The following PLCZ1 variants were observed in gnomAD, a reference collection of about 807,000 sequenced individuals.
PLCZ1 encodes the protein phospholipase C zeta 1.
PLCZ1 carries 64 observed loss-of-function variants against 76.8 expected under a neutral mutation model. The observed-to-expected ratio is 0.83, with a 90% confidence interval of 0.68 to 1.03. PLCZ1 has a LOEUF of 1.03. Among genes scored for constraint, PLCZ1 ranks in the 50% least tolerant of loss-of-function variants. The pLI is 0.00. For synonymous variants in PLCZ1, 248 were observed against 230.8 expected (o/e 1.07, Z -0.68); for missense variants, 751 against 713.7 (o/e 1.05, Z -0.60).
At chr12:18,711,382 T>G (rs1592198318) in intron 6 of PLCZ1, among the ~76,000 whole-genome samples, 1 of 71,554 alleles carries the variant, frequency 1.4e-5, no homozygotes, top group Admixed American at 2.2e-4. Context: ...TGGGGACTGT[T>G]GTGGGGTGGG....
chr12:18,685,588 G>T (rs1004988261), intron 13 of PLCZ1: 3 of 505,176 alleles, frequency 5.9e-6, no homozygotes, highest in Non-Finnish European at 1.2e-5. Context: ...AGCAATCTAG[G>T]GTGCAGTCTA....
the PLCZ1 span, among the ~76,000 whole-genome samples, chr12:18,676,774 T>A: frequency 1.6e-4 from 24 of 152,218 alleles, no homozygotes; most frequent in Non-Finnish European, 2.8e-4. Flanking sequence ...AGGTAATAGG[T>A]GTTAGAAAAA....
At chr12:18,724,151 A>G (rs1292377616) in intron 3 of PLCZ1, among the ~76,000 whole-genome samples, 2 of 152,148 alleles carry the variant, frequency 1.3e-5, no homozygotes, top group Non-Finnish European at 2.9e-5. Context: ...AATACCAAAA[A>G]TAGAAGATTG....
intron 6 of PLCZ1, among the ~76,000 whole-genome samples, chr12:18,707,519 C>T (rs1956752778): frequency 6.6e-6 from 1 of 152,108 alleles, no homozygotes; most frequent in Non-Finnish European, 1.5e-5. Flanking sequence ...TCTTGAAAGC[C>T]AAGCAATGTT....
intron 6 of PLCZ1, among the ~76,000 whole-genome samples, chr12:18,710,248 T>G (rs1156959736): frequency 2.7e-5 from 4 of 150,446 alleles, no homozygotes; most frequent in African/African-American, 7.4e-5. Flanking sequence ...CTTTGAATTT[T>G]AAGACTGTCA....
At chr12:18,693,907 T>G in intron 12 of PLCZ1, 2 of 1,528,346 alleles carry the variant, frequency 1.3e-6, no homozygotes, top group Non-Finnish European at 1.8e-6. Context: ...TGGCTGATGA[T>G]GTAACCCTGC....
chr12:18,696,621 T>G (rs1955084203), intron 10 of PLCZ1, among the ~76,000 whole-genome samples: 2 of 152,012 alleles, frequency 1.3e-5, no homozygotes, highest in Admixed American at 1.3e-4. Context: ...CATTCATTTT[T>G]CAAAACAAAA....
chr12:18,676,355 T>C, the PLCZ1 span, among the ~76,000 whole-genome samples: 1 of 152,044 alleles, frequency 6.6e-6, no homozygotes, highest in Non-Finnish European at 1.5e-5. Flanking sequence ...AAGAATCTAA[T>C]ATAATCCATG....
chr12:18,716,883 T>C (rs1390228533), intron 5 of PLCZ1, among the ~76,000 whole-genome samples: 1 of 152,198 alleles, frequency 6.6e-6, no homozygotes, highest in African/African-American at 2.4e-5. Context: ...ATTAAGATAT[T>C]GAATGCTTTA....
the PLCZ1 span, among the ~76,000 whole-genome samples, chr12:18,654,680 G>T: frequency 2.0e-5 from 3 of 152,146 alleles, no homozygotes; most frequent in African/African-American, 4.8e-5. Flanking sequence ...CAGACAAGAT[G>T]ATTCCAGTTG....
chr12:18,663,893 A>G, the PLCZ1 span, among the ~76,000 whole-genome samples: 1 of 152,194 alleles, frequency 6.6e-6, no homozygotes, highest in African/African-American at 2.4e-5. Context: ...TTCCTAAAAC[A>G]CAATAACCAA....
chr12:18,690,326 C>T (rs151092459), intron 12 of PLCZ1, among the ~76,000 whole-genome samples: 60 of 152,170 alleles, frequency 3.9e-4, no homozygotes, highest in East Asian at 1.9e-3. Flanking sequence ...TGGATTCAAG[C>T]GATTCTTCTG....
chr12:18,654,311 AT>A, the PLCZ1 span, among the ~76,000 whole-genome samples: 1 of 149,270 alleles, frequency 6.7e-6, no homozygotes, highest in African/African-American at 2.5e-5. Context: ...AAAAAAAAAA[AT>A]CTATCAGATA....
chr12:18,655,054 T>A, the PLCZ1 span, among the ~76,000 whole-genome samples: 3 of 151,066 alleles, frequency 2.0e-5, no homozygotes, highest in Admixed American at 6.6e-5. Flanking sequence ...GAAACAATAA[T>A]AAAAAAAAAT....
downstream of PLCZ1, among the ~76,000 whole-genome samples, chr12:18,679,147 A>G (rs1952197751): frequency 6.6e-6 from 1 of 152,010 alleles, no homozygotes; most frequent in African/African-American, 2.4e-5. Flanking sequence ...TGCCTGTTCA[A>G]ATATTTTGCC....
intron 5 of PLCZ1, among the ~76,000 whole-genome samples, chr12:18,716,051 AT>A (rs1957950366): frequency 6.6e-6 from 1 of 152,052 alleles, no homozygotes; most frequent in African/African-American, 2.4e-5. Flanking sequence ...TGGCTTACGG[AT>A]TTATTTATGT....
At chr12:18,699,769 A>C in intron 10 of PLCZ1, 25 bp downstream of exon 10, 1 of 1,598,268 alleles carries the variant, frequency 6.3e-7, no homozygotes. Flanking sequence ...TAAACATTTC[A>C]TCTATTTGAG....
chr12:18,734,970 G>T (rs1045321190), intron 3 of PLCZ1, among the ~76,000 whole-genome samples: 3 of 152,290 alleles, frequency 2.0e-5, no homozygotes, highest in African/African-American at 7.2e-5. Context: ...ATGAAAGGGA[G>T]TTAAATTTTG....
chr12:18,677,791 A>T, the PLCZ1 span, among the ~76,000 whole-genome samples: 1 of 152,132 alleles, frequency 6.6e-6, no homozygotes, highest in Admixed American at 6.6e-5. Flanking sequence ...TTTTCTAAAC[A>T]TGTAGATAGA....
Sources: allele counts gnomAD v4.1 joint callset (sites outside exome capture counted in the v4.1 genomes callset), GRCh38; gene constraint gnomAD v4.1.1; transcripts MANE v1.5; gene names NCBI Gene and HGNC (gene_info 2026-07-23, HGNC 2026-07-21).